The following GRID1 variants were observed in gnomAD, a reference collection of about 807,000 sequenced individuals.
The protein encoded by GRID1 is glutamate ionotropic receptor delta type subunit 1, also known as glutamate receptor ionotropic, delta-1.
Under a neutral mutation model 98.0 loss-of-function variants are expected in GRID1, and 28 were observed. The ratio of observed to expected loss-of-function variants is 0.29; its 90% CI spans 0.21 to 0.39. The LOEUF (loss-of-function observed/expected upper bound fraction) is 0.39, where lower values mean the gene tolerates loss of function less well. GRID1 is among the 10% of genes least tolerant of loss of function. The probability of loss-of-function intolerance (pLI) is 1.00; values close to 1 mark genes in which losing one functional copy is unlikely to be tolerated. For missense variants in GRID1, 1,111 were observed against 1,340.5 expected, an observed-to-expected ratio of 0.83 and a Z score of 2.67; for synonymous variants, 553 against 538.5, an observed-to-expected ratio of 1.03 and a Z score of -0.37.
rs1330722577 is a variant in GRID1, at chr10:85,723,095, G to A, written c.1905C>T (p.Gly635=). 6.2e-7 allele frequency: 1 copy of A among 1,611,802 alleles called. No individual in the cohort carries two copies. The highest frequency in any genetic ancestry group is 8.5e-7 in the Non-Finnish European group (1 of 1,178,998). ...VNSMAMRIVM[G]SWWLFTLIVC... ...CAATGAGCGTGAAGAGCCACCAGCT[G>A]CCCATCACGATGCGCATGGCCATGG... Residue 635 remains glycine (G), a synonymous_variant, in exon 12 of 16, where the codon GGC becomes GGT. Coordinates refer to ENST00000327946, the MANE Select transcript of GRID1 (RefSeq NM_017551.3).
chr10:85,989,638 T>C (rs775124843), intron 4 of GRID1, among the ~76,000 whole-genome samples: 5 of 152,310 alleles, frequency 3.3e-5, no homozygotes, highest in East Asian at 3.9e-4. Flanking sequence ...TGCCTGGTGA[T>C]CTGAAATGGA....
chr10:85,743,112 C>A (rs964817046), intron 8 of GRID1, among the ~76,000 whole-genome samples: 11 of 131,940 alleles, frequency 8.3e-5, no homozygotes, highest in African/African-American at 1.9e-4. Flanking sequence ...GCAGCCCCCC[C>A]CCCCACCACC....
intron 2 of GRID1, among the ~76,000 whole-genome samples, chr10:86,245,688 T>C (rs1846715840): frequency 6.6e-6 from 1 of 152,206 alleles, no homozygotes; most frequent in Non-Finnish European, 1.5e-5. Flanking sequence ...AGGTGGTCCT[T>C]GAAGCCACAT....
intron 5 of GRID1, among the ~76,000 whole-genome samples, chr10:85,870,072 G>T (rs1331174706): frequency 6.6e-6 from 1 of 152,184 alleles, no homozygotes; most frequent in African/African-American, 2.4e-5. Context: ...GGGTGTGTCT[G>T]TGAGGGTGTT....
chr10:85,674,044 T>C (rs1361716742), intron 12 of GRID1, among the ~76,000 whole-genome samples: 2 of 152,232 alleles, frequency 1.3e-5, no homozygotes, highest in African/African-American at 4.8e-5. Flanking sequence ...TAAAATGAGT[T>C]TGCTGGTCTT....
At chr10:85,754,234 G>C (rs1330917280) in intron 8 of GRID1, among the ~76,000 whole-genome samples, 5 of 152,156 alleles carry the variant, frequency 3.3e-5, no homozygotes, top group Admixed American at 3.3e-4. Context: ...GTGGGCAATA[G>C]TTCACAGAGT....
intron 8 of GRID1, among the ~76,000 whole-genome samples, chr10:85,764,539 G>T (rs1297913378): frequency 6.6e-6 from 1 of 152,188 alleles, no homozygotes; most frequent in African/African-American, 2.4e-5. Flanking sequence ...TGAACCCCGT[G>T]CCCTGCAGGG....
intron 12 of GRID1, among the ~76,000 whole-genome samples, chr10:85,707,454 C>T (rs1383417164): frequency 6.6e-6 from 1 of 152,080 alleles, no homozygotes; most frequent in East Asian, 1.9e-4. Flanking sequence ...ATTAAAAAGT[C>T]AGGAAACAAC....
chr10:86,291,586 CCTT>C (rs1847513091), intron 2 of GRID1, among the ~76,000 whole-genome samples: 1 of 152,198 alleles, frequency 6.6e-6, no homozygotes, highest in South Asian at 2.1e-4. Context: ...CCTCCAGACA[CCTT>C]CTCCTGAATG....
intron 3 of GRID1, among the ~76,000 whole-genome samples, chr10:86,178,782 C>T (rs554332822): frequency 2.6e-5 from 4 of 152,130 alleles, no homozygotes; most frequent in Admixed American, 6.5e-5. Flanking sequence ...CCCCGGCCTC[C>T]CTGCTTGATT....
In GRID1 at chr10:86,152,830, C is replaced by T. The variant is rs900510352; in HGVS notation, c.521-13806G>A. ...TCCAGTGCGGCTGCCACCCCTCACC[C>T]GCCTGTGCCTTGCCAGCCCTGACAG... On this transcript the variant is annotated intron_variant, in intron 3 of 15. Transcript: ENST00000327946. 2.6e-5 allele frequency among the ~76,000 whole-genome samples: 4 copies of T among 152,214 alleles called. No individual in the cohort carries two copies. In the East Asian group the frequency reaches 5.8e-4, roughly 22 times the overall value.
intron 3 of GRID1, among the ~76,000 whole-genome samples, chr10:86,153,688 C>A (rs1480086287): frequency 6.6e-6 from 1 of 152,142 alleles, no homozygotes; most frequent in Non-Finnish European, 1.5e-5. Context: ...CTAGGAGCAA[C>A]ACAGATGGCC....
intron 4 of GRID1, among the ~76,000 whole-genome samples, chr10:85,985,781 C>T (rs1188110054): frequency 6.6e-6 from 1 of 152,168 alleles, no homozygotes; most frequent in Non-Finnish European, 1.5e-5. Flanking sequence ...TAGACCATGG[C>T]CCCATTGGAT....
At chr10:85,663,616 G>A (rs1274640374) in intron 12 of GRID1, among the ~76,000 whole-genome samples, 2 of 152,108 alleles carry the variant, frequency 1.3e-5, no homozygotes, top group South Asian at 2.1e-4. Context: ...GTCTTGCTGT[G>A]CTGTACTGAG....
intron 2 of GRID1, among the ~76,000 whole-genome samples, chr10:86,243,996 G>A (rs1015532497): frequency 2.6e-4 from 39 of 152,170 alleles, no homozygotes; most frequent in African/African-American, 9.2e-4. Flanking sequence ...TGCACTGTGT[G>A]TACACATATA....
chr10:86,274,205 C>G (rs1847231147), intron 2 of GRID1, among the ~76,000 whole-genome samples: 1 of 152,140 alleles, frequency 6.6e-6, no homozygotes, highest in Non-Finnish European at 1.5e-5. Context: ...TCAGGTTTGT[C>G]AAAGATCCGA....
At chr10:85,833,126 C>T (rs1347919300) in intron 8 of GRID1, among the ~76,000 whole-genome samples, 1 of 152,190 alleles carries the variant, frequency 6.6e-6, no homozygotes, top group African/African-American at 2.4e-5. Flanking sequence ...ACTCTTCATC[C>T]CTATAGGCTG....
intron 8 of GRID1, among the ~76,000 whole-genome samples, chr10:85,839,172 T>A (rs181095258): frequency 6.6e-6 from 1 of 152,248 alleles, no homozygotes; most frequent in African/African-American, 2.4e-5. Context: ...TCAAAGAGAC[T>A]CAGACTCCCA....
At chr10:86,304,053 C>T (rs1181558951) in intron 2 of GRID1, among the ~76,000 whole-genome samples, 2 of 152,208 alleles carry the variant, frequency 1.3e-5, no homozygotes, top group Non-Finnish European at 2.9e-5. Context: ...CTGTGAAGCC[C>T]CCAACCCTGG....
Sources: allele counts gnomAD v4.1 joint callset (sites outside exome capture counted in the v4.1 genomes callset), GRCh38; gene constraint gnomAD v4.1.1; transcripts MANE v1.5; gene names NCBI Gene and HGNC (gene_info 2026-07-23, HGNC 2026-07-21).